The following AGMO variants were observed in gnomAD, a reference collection of about 807,000 sequenced individuals.
The protein encoded by AGMO is glyceryl-ether monooxygenase.
Under a neutral mutation model 60.2 loss-of-function variants are expected in AGMO, and 75 were observed. The observed-to-expected ratio is 1.25, with a 90% CI of 1.03 to 1.51. The LOEUF (loss-of-function observed/expected upper bound fraction) is 1.51. AGMO is among the 40% of genes most tolerant of loss of function. The probability of loss-of-function intolerance (pLI) is 0.00; values close to 1 mark genes in which losing one functional copy is unlikely to be tolerated. For missense variants in AGMO, 763 were observed against 525.5 expected (o/e 1.45, Z -4.42); for synonymous variants, 261 against 177.1 (o/e 1.47, Z -3.76).
At chr7:15,171,274 C>A in the AGMO span, among the ~76,000 whole-genome samples, 1 of 152,184 alleles carries the variant, frequency 6.6e-6, no homozygotes, top group Admixed American at 6.5e-5. Flanking sequence ...AGCCACCACG[C>A]CCTACCTTGG....
chr7:15,430,851 A>T (rs141096028), intron 4 of AGMO, among the ~76,000 whole-genome samples, 154 bp downstream of exon 4: 126 of 151,810 alleles, frequency 8.3e-4, no homozygotes, highest in East Asian at 5.8e-3. Context: ...TACAGAAGGA[A>T]AAGAAAGATT....
intron 12 of AGMO, among the ~76,000 whole-genome samples, chr7:15,202,479 A>AC (rs1159109699): frequency 7.7e-6 from 1 of 129,504 alleles, no homozygotes; most frequent in Non-Finnish European, 1.6e-5. Flanking sequence ...AAAAAAAAAA[A>AC]AAAAAAAAAA....
chr7:15,234,433 C>T (rs1040164320), intron 12 of AGMO, among the ~76,000 whole-genome samples: 1 of 152,162 alleles, frequency 6.6e-6, no homozygotes, highest in Non-Finnish European at 1.5e-5. Flanking sequence ...ACTTGGATAC[C>T]GGTCTTGCCT....
chr7:15,306,309 G>C, intron 12 of AGMO: 1 of 233,738 alleles, frequency 4.3e-6, no homozygotes, highest in South Asian at 4.5e-5. Flanking sequence ...ATGGCTGAAA[G>C]GAAGTCAGAT....
chr7:15,541,395 C>T (rs552684089), intron 3 of AGMO, among the ~76,000 whole-genome samples: 24 of 152,312 alleles, frequency 1.6e-4, no homozygotes. Flanking sequence ...GCTGGGATTA[C>T]AGGCATGAGC....
chr7:15,361,546 A>AAAAAAAAAGAAAAAG (rs1554261757), intron 12 of AGMO, among the ~76,000 whole-genome samples: 1 of 91,408 alleles, frequency 1.1e-5, no homozygotes. Context: ...TCTCAAAAAA[A>AAAAAAAAAGAAAAAG]AAAAAAAAGG....
intron 3 of AGMO, among the ~76,000 whole-genome samples, chr7:15,540,454 G>A (rs1784596163): frequency 2.0e-5 from 3 of 152,168 alleles, no homozygotes; most frequent in African/African-American, 4.8e-5. Flanking sequence ...AAAAGAGCAC[G>A]CTGGAAAATG....
At chr7:15,365,174 GTC>G (rs1782921393) in intron 12 of AGMO, among the ~76,000 whole-genome samples, 1 of 151,758 alleles carries the variant, frequency 6.6e-6, no homozygotes, top group African/African-American at 2.4e-5. Flanking sequence ...AAACGGCAGA[GTC>G]TCTGCCAAAA....
chr7:15,497,689 C>A (rs565429132), intron 3 of AGMO, among the ~76,000 whole-genome samples: 1 of 151,962 alleles, frequency 6.6e-6, no homozygotes, highest in Non-Finnish European at 1.5e-5. Context: ...ATTCTAAAAT[C>A]ATATATTTAT....
intron 10 of AGMO, among the ~76,000 whole-genome samples, chr7:15,370,878 A>G (rs1783182505): frequency 1.3e-5 from 2 of 152,080 alleles, no homozygotes; most frequent in African/African-American, 4.8e-5. Flanking sequence ...TGCTGTGCAG[A>G]AGCTCTTTAT....
At chr7:15,341,759 T>C (rs1321184966) in intron 12 of AGMO, among the ~76,000 whole-genome samples, 1 of 152,080 alleles carries the variant, frequency 6.6e-6, no homozygotes, top group Non-Finnish European at 1.5e-5. Context: ...CAGTTGCACA[T>C]GACTGGGGAG....
chr7:15,325,627 CAG>C (rs1449199407), intron 12 of AGMO, among the ~76,000 whole-genome samples: 1 of 151,890 alleles, frequency 6.6e-6, no homozygotes, highest in Admixed American at 6.6e-5. Flanking sequence ...ATGGTTGAAA[CAG>C]AAAAAATAAC....
chr7:15,172,155 T>C, the AGMO span, among the ~76,000 whole-genome samples: 131 of 152,348 alleles, frequency 8.6e-4, no homozygotes, highest in South Asian at 2.9e-3. Flanking sequence ...TTAGTCTTCA[T>C]TGTAACCCTG....
At chr7:15,361,136 C>T (rs1374690230) in intron 12 of AGMO, among the ~76,000 whole-genome samples, 2 of 152,266 alleles carry the variant, frequency 1.3e-5, no homozygotes, top group Middle Eastern at 3.4e-3. Flanking sequence ...CGTCTCTCCA[C>T]AGTGGGCTGC....
At chr7:15,355,504 C>CAAAAAAAA (rs56695710) in intron 12 of AGMO, among the ~76,000 whole-genome samples, 27 of 81,646 alleles carry the variant, frequency 3.3e-4, no homozygotes, top group Admixed American at 4.8e-4. Flanking sequence ...GACTCTGTCT[C>CAAAAAAAA]AAAAAAAAAA....
intron 1 of AGMO, 107 bp from the exon 2 acceptor site, chr7:15,560,378 C>G: frequency 6.5e-6 from 8 of 1,229,080 alleles, no homozygotes; most frequent in South Asian, 3.1e-5. Flanking sequence ...TTGGGAAGCC[C>G]TGCAGGAGAT....
chr7:15,376,344 T>C (rs902020157), intron 10 of AGMO, among the ~76,000 whole-genome samples: 1 of 151,876 alleles, frequency 6.6e-6, no homozygotes, highest in African/African-American at 2.4e-5. Flanking sequence ...CAGGTGGCAC[T>C]CTCTGCTGTA....
chr7:15,187,252 A>T, the AGMO span, among the ~76,000 whole-genome samples: 1 of 152,242 alleles, frequency 6.6e-6, no homozygotes, highest in Non-Finnish European at 1.5e-5. Context: ...TATTCTACAT[A>T]AAGCTTAAAT....
At chr7:15,506,947 A>G (rs75233373) in intron 3 of AGMO, among the ~76,000 whole-genome samples, 5,881 of 152,124 alleles carry the variant, frequency 0.039, 170 homozygotes, top group Non-Finnish European at 0.054. Context: ...AGCAAGAAAA[A>G]AGAATTGTGG....
Sources: gnomAD v4.1 joint callset for allele counts (sites outside exome capture counted in the v4.1 genomes callset) on GRCh38, gnomAD v4.1.1 for gene constraint, MANE v1.5 for transcripts, NCBI Gene and HGNC (gene_info 2026-07-23, HGNC 2026-07-21) for gene names.